PID1: variants seen among roughly 807,000 people sequenced by gnomAD.
PID1 encodes PTB-containing, cubilin and LRP1-interacting protein.
PID1 carries 10 observed loss-of-function variants against 19.1 expected under a neutral mutation model. The observed-to-expected ratio is 0.52, with a 90% CI of 0.32 to 0.89. PID1 has a LOEUF of 0.89. Ranked by LOEUF, PID1 falls within the 40% of genes least tolerant of loss-of-function variation. The pLI is 0.03. For synonymous variants in PID1, 130 were observed against 116.0 expected (o/e 1.12, Z -0.78); for missense variants, 248 against 285.3 (o/e 0.87, Z 0.94).
intron 1 of PID1, chr2:229,262,666 G>T: frequency 6.4e-7 from 1 of 1,550,566 alleles, no homozygotes; most frequent in Non-Finnish European, 8.7e-7. Flanking sequence ...TAAAACAACA[G>T]AAATTTAATC....
chr2:229,168,546 T>G (rs561468942), intron 1 of PID1, among the ~76,000 whole-genome samples: 1 of 152,322 alleles, frequency 6.6e-6, no homozygotes, highest in Admixed American at 6.5e-5. Context: ...GACTGTTTCT[T>G]ACATGGTTTT....
At chr2:229,055,616 G>C (rs1694082658) in intron 2 of PID1, among the ~76,000 whole-genome samples, 1 of 152,106 alleles carries the variant, frequency 6.6e-6, no homozygotes, top group Admixed American at 6.5e-5. Context: ...TAAGTTCTCT[G>C]TATCTATAAT....
At chr2:229,133,138 C>A (rs920687197) in intron 2 of PID1, among the ~76,000 whole-genome samples, 3 of 152,236 alleles carry the variant, frequency 2.0e-5, no homozygotes, top group African/African-American at 7.2e-5. Flanking sequence ...AGGCCAAGTA[C>A]AATTTAGTTT....
At chr2:229,103,730 C>A (rs1042402930) in intron 2 of PID1, among the ~76,000 whole-genome samples, 3 of 152,050 alleles carry the variant, frequency 2.0e-5, no homozygotes, top group Admixed American at 6.5e-5. Context: ...GTGCCCGCCA[C>A]CATGCCCGGC....
chr2:229,031,214 T>TAAAAAA (rs1274567780), intron 2 of PID1, among the ~76,000 whole-genome samples: 1 of 24,974 alleles, frequency 4.0e-5, no homozygotes, highest in African/African-American at 1.8e-4. Context: ...AGACTCTGTC[T>TAAAAAA]CAAAAAAAAA....
chr2:229,039,284 A>T (rs978829052), intron 2 of PID1, among the ~76,000 whole-genome samples: 5 of 152,220 alleles, frequency 3.3e-5, no homozygotes, highest in African/African-American at 4.8e-5. Context: ...TAAAAGACTG[A>T]ACCATAAACT....
intron 2 of PID1, among the ~76,000 whole-genome samples, chr2:229,097,235 A>T (rs184514611): frequency 6.6e-6 from 1 of 152,320 alleles, no homozygotes; most frequent in East Asian, 1.9e-4. Context: ...TTGGGAGAGC[A>T]TCGTAAAAGT....
intron 1 of PID1, among the ~76,000 whole-genome samples, chr2:229,176,322 C>T (rs1306220568): frequency 6.6e-6 from 1 of 152,210 alleles, no homozygotes; most frequent in Admixed American, 6.5e-5. Context: ...CAGAGCTCCC[C>T]TGCTTGCCTC....
chr2:229,196,674 T>C (rs948724652), intron 1 of PID1, among the ~76,000 whole-genome samples: 2 of 152,074 alleles, frequency 1.3e-5, no homozygotes, highest in Non-Finnish European at 2.9e-5. Context: ...GGGCAGACTT[T>C]GTGGTCAGAC....
intron 1 of PID1, among the ~76,000 whole-genome samples, chr2:229,192,887 A>G (rs1161088191): frequency 6.6e-6 from 1 of 152,158 alleles, no homozygotes; most frequent in Non-Finnish European, 1.5e-5. Context: ...TCTCAGCCAC[A>G]CAGGTTATTA....
At chr2:229,252,978 C>T (rs1482606512) in intron 1 of PID1, among the ~76,000 whole-genome samples, 1 of 152,108 alleles carries the variant, frequency 6.6e-6, no homozygotes, top group Non-Finnish European at 1.5e-5. Flanking sequence ...AGATTTCTGC[C>T]TTGTGTTAAA....
intron 1 of PID1, among the ~76,000 whole-genome samples, chr2:229,228,774 T>A (rs1946122): frequency 0.26 from 40,068 of 152,136 alleles, 6,082 homozygotes; most frequent in East Asian, 0.66. Flanking sequence ...TTTCCTGAAA[T>A]GATATTAGAG....
intron 1 of PID1, among the ~76,000 whole-genome samples, chr2:229,191,139 C>T (rs150328563): frequency 3.8e-4 from 58 of 152,236 alleles, no homozygotes; most frequent in African/African-American, 1.3e-3. Context: ...GAGGGACCGT[C>T]CTGGATGTAT....
At chr2:229,254,991 G>C (rs980168542) in intron 1 of PID1, among the ~76,000 whole-genome samples, 1 of 152,182 alleles carries the variant, frequency 6.6e-6, no homozygotes, top group Non-Finnish European at 1.5e-5. Flanking sequence ...GATTCGAGGA[G>C]AGAGAGTATG....
chr2:229,094,415 T>A (rs1694935070), intron 2 of PID1, among the ~76,000 whole-genome samples: 1 of 152,128 alleles, frequency 6.6e-6, no homozygotes, highest in African/African-American at 2.4e-5. Flanking sequence ...AATAATGTCA[T>A]TTTTAACAGA....
intron 1 of PID1, among the ~76,000 whole-genome samples, chr2:229,161,747 C>G (rs1256485901): frequency 1.3e-5 from 2 of 152,188 alleles, no homozygotes; most frequent in African/African-American, 4.8e-5. Flanking sequence ...TCTCAAGAAA[C>G]AGCCAAAGAG....
At chr2:229,030,385 T>G (rs1426988250) in intron 2 of PID1, among the ~76,000 whole-genome samples, 1 of 152,168 alleles carries the variant, frequency 6.6e-6, no homozygotes, top group Non-Finnish European at 1.5e-5. Flanking sequence ...CACTGAACTG[T>G]GCACTTAAAA....
intron 1 of PID1, among the ~76,000 whole-genome samples, chr2:229,258,979 A>C (rs1424198164): frequency 6.6e-6 from 1 of 151,770 alleles, no homozygotes; most frequent in Non-Finnish European, 1.5e-5. Flanking sequence ...GATCTGAATA[A>C]ATCATTTTAC....
chr2:229,128,651 A>ATAAAC (rs1689640520), intron 2 of PID1, among the ~76,000 whole-genome samples: 2 of 152,252 alleles, frequency 1.3e-5, no homozygotes, highest in African/African-American at 4.8e-5. Flanking sequence ...AAGCTAAAAA[A>ATAAAC]AATCTAAAAA....
Sources: gnomAD v4.1 joint callset for allele counts (sites outside exome capture counted in the v4.1 genomes callset) on GRCh38, gnomAD v4.1.1 for gene constraint, MANE v1.5 for transcripts, NCBI Gene and HGNC (gene_info 2026-07-23, HGNC 2026-07-21) for gene names.